Variants in TM9SF2 observed in about 807,000 individuals in gnomAD.
The protein encoded by TM9SF2 is transmembrane 9 superfamily member 2.
Under a neutral mutation model 84.9 loss-of-function variants are expected in TM9SF2, and 13 were observed. The ratio of observed to expected loss-of-function variants is 0.15; its 90% CI spans 0.10 to 0.24. The LOEUF (loss-of-function observed/expected upper bound fraction) is 0.24. TM9SF2 is among the 10% of genes least tolerant of loss of function. The pLI, the probability that TM9SF2 is intolerant of heterozygous loss-of-function variation, is 1.00. For missense variants in TM9SF2, 562 were observed against 818.5 expected (o/e 0.69, Z 3.82); for synonymous variants, 273 against 285.8 (o/e 0.96, Z 0.45).
At chr13:99,524,250 T>C (rs2046172475) in intron 3 of TM9SF2, among the ~76,000 whole-genome samples, 1 of 152,074 alleles carries the variant, frequency 6.6e-6, no homozygotes, top group Non-Finnish European at 1.5e-5. Context: ...AGGAGACCAG[T>C]AGGAGGCCTT....
At chr13:99,506,774 C>T (rs1311707096) in intron 1 of TM9SF2, among the ~76,000 whole-genome samples, 2 of 152,194 alleles carry the variant, frequency 1.3e-5, no homozygotes, top group East Asian at 1.9e-4. Context: ...CACACAGACA[C>T]ACATCGGCAC....
chr13:99,514,811 C>T (rs1205505763), intron 1 of TM9SF2, among the ~76,000 whole-genome samples: 9 of 152,240 alleles, frequency 5.9e-5, no homozygotes, highest in African/African-American at 1.9e-4. Context: ...ATTTGAAGAA[C>T]ATTTCCATCA....
Position 99,501,512 on chromosome 13 carries a change from A to T in TM9SF2, c.-95A>T. 1 of 1,466,246 alleles carries T rather than the reference A, an allele frequency of 6.8e-7. No individual in the cohort carries two copies. The highest frequency in any genetic ancestry group is 1.4e-5 in the African/African-American group (1 of 69,644). 90.8% of individuals were successfully genotyped at this position (1,466,246 alleles called of 1,614,324 possible). Reference sequence around the variant, plus strand: ...AGCCTTCTGGGGGCCGGCTTCCTTTATCTCTGGCGGCCTTGTAGTCGTCTC... The same window carrying T: ...AGCCTTCTGGGGGCCGGCTTCCTTTTTCTCTGGCGGCCTTGTAGTCGTCTC... On this transcript the variant is annotated 5_prime_UTR_variant, in exon 1 of 17. Coordinates refer to ENST00000376387, the MANE Select transcript of TM9SF2 (RefSeq NM_004800.3).
At chr13:99,559,979 A>G (rs2046337724) in intron 16 of TM9SF2, among the ~76,000 whole-genome samples, 1 of 152,198 alleles carries the variant, frequency 6.6e-6, no homozygotes, top group Non-Finnish European at 1.5e-5. Flanking sequence ...TCCTTAATCT[A>G]GAAGCTTTTA....
intron 15 of TM9SF2, 98 bp downstream of exon 15, chr13:99,555,745 A>G (rs1442809129): frequency 9.8e-6 from 7 of 715,474 alleles, no homozygotes; most frequent in African/African-American, 3.6e-5. Flanking sequence ...CTGTAGATGT[A>G]TGTTTATTAT....
chr13:99,545,492 G>T, intron 10 of TM9SF2, among the ~76,000 whole-genome samples: 1 of 152,190 alleles, frequency 6.6e-6, no homozygotes, highest in East Asian at 1.9e-4. Flanking sequence ...GGGTGGTAGG[G>T]TGAAGGCACT....
intron 1 of TM9SF2, among the ~76,000 whole-genome samples, chr13:99,508,899 C>T (rs926595942): frequency 1.3e-5 from 2 of 152,256 alleles, no homozygotes; most frequent in Non-Finnish European, 2.9e-5. Flanking sequence ...TACAGCTTGA[C>T]ATAAGATTTG....
rs372811557 is a variant in TM9SF2 at position 99,517,681 on chromosome 13, C to A, written c.239C>A (p.Ala80Glu). Residue 80 changes from alanine to glutamate, a missense_variant and splice_region_variant, in exon 2 of 17, where the codon GCG (alanine) becomes GAG (glutamate). Physicochemically the swap from Ala to Glu is moderately radical, Grantham distance 107. This residue lies in a region of TM9SF2 where 267 missense variants were observed against 316.7 expected (regional missense o/e 0.84). Transcript: ENST00000376387. Reference protein sequence around the residue: ...VESVLPYEYTAFDFCQASEGK... With the variant: ...VESVLPYEYTEFDFCQASEGK... Reference sequence around the variant, plus strand: ...TCAGTTCTTCCTTATGAATACACAGCGTAAGTTTTTCAGCTTGGCTTTTAT... The same window carrying A: ...TCAGTTCTTCCTTATGAATACACAGAGTAAGTTTTTCAGCTTGGCTTTTAT... The A allele has an allele frequency of 6.4e-7, 1 of 1,572,294 alleles. No individual in the cohort carries two copies. Among genetic ancestry groups the A allele is most frequent in the Non-Finnish European group, 8.6e-7 (1 of 1,162,380 alleles).
chr13:99,508,819 C>T (rs1375502623), intron 1 of TM9SF2, among the ~76,000 whole-genome samples: 1 of 152,158 alleles, frequency 6.6e-6, no homozygotes, highest in Non-Finnish European at 1.5e-5. Context: ...GTGGTGCCAA[C>T]CCATTCATTA....
At chr13:99,514,736 A>T (rs1490666292) in intron 1 of TM9SF2, among the ~76,000 whole-genome samples, 1 of 152,224 alleles carries the variant, frequency 6.6e-6, no homozygotes, top group Non-Finnish European at 1.5e-5. Context: ...CTTAAAATTC[A>T]GTTCTTCAGC....
chr13:99,559,296 C>T (rs749408399), intron 15 of TM9SF2, 67 bp from the exon 16 acceptor site: 1 of 1,375,820 alleles, frequency 7.3e-7, no homozygotes. Flanking sequence ...TTGCTTTGAA[C>T]CTTAGTAAGC....
At chr13:99,515,402 A>G (rs2046129647) in intron 1 of TM9SF2, among the ~76,000 whole-genome samples, 1 of 152,240 alleles carries the variant, frequency 6.6e-6, no homozygotes, top group Admixed American at 6.5e-5. Flanking sequence ...TGTTAATTCA[A>G]GCATGCTGTA....
chr13:99,556,369 G>A (rs1394020394), intron 15 of TM9SF2, among the ~76,000 whole-genome samples: 1 of 152,084 alleles, frequency 6.6e-6, no homozygotes, highest in African/African-American at 2.4e-5. Flanking sequence ...CCTAATTAAA[G>A]CCCTATACTT....
chr13:99,508,490 T>C (rs1366490136), intron 1 of TM9SF2, among the ~76,000 whole-genome samples: 1 of 150,658 alleles, frequency 6.6e-6, no homozygotes, highest in African/African-American at 2.5e-5. Context: ...ATAAGTGCTG[T>C]CATTTTTTTT....
Position 99,540,743 on chromosome 13 carries a change from A to T in TM9SF2, c.858A>T (p.Arg286Ser), listed in dbSNP as rs748766712. Residue 286 changes from arginine to serine, a missense_variant, in exon 8 of 17, where the codon AGA (arginine) becomes AGT (serine). This residue lies in a region of TM9SF2 where 219 missense variants were observed against 338.1 expected (regional missense o/e 0.65). Coordinates refer to ENST00000376387, the MANE Select transcript of TM9SF2 (RefSeq NM_004800.3). ...ATGATAAGATCAGATGGGCGTCTAG[A>T]TGGGACTATATTCTGGAGTCTATGC... Reference protein sequence around the residue: ...EEDDKIRWASRWDYILESMPH... With the variant: ...EEDDKIRWASSWDYILESMPH... 6.2e-7 allele frequency: 1 copy of T among 1,613,708 alleles called. No individual in the cohort carries two copies. The highest frequency in any genetic ancestry group is 8.5e-7 in the Non-Finnish European group (1 of 1,179,892).
intron 4 of TM9SF2, among the ~76,000 whole-genome samples, chr13:99,532,000 TCA>T (rs1263724092): frequency 6.6e-6 from 1 of 152,138 alleles, no homozygotes; most frequent in Non-Finnish European, 1.5e-5. Context: ...GCAATAGCTA[TCA>T]GTTTGTTGAC....
chr13:99,533,792 T>C (rs2046221475), intron 4 of TM9SF2, among the ~76,000 whole-genome samples: 1 of 152,084 alleles, frequency 6.6e-6, no homozygotes, highest in Non-Finnish European at 1.5e-5. Flanking sequence ...CACCTCCGCC[T>C]CCTGAGTAGC....
rs1457456032 is a variant in TM9SF2, at chr13:99,563,211, T to C, written c.*453T>C. 6.5e-6 allele frequency: 1 copy of C among 153,814 alleles called. No homozygotes were observed. The highest frequency in any genetic ancestry group is 1.4e-5 in the Non-Finnish European group (1 of 69,170). 9.5% of individuals were successfully genotyped at this position (153,814 alleles called of 1,614,324 possible). ...TGGTAATTTTGAAGGATGATTCCTA[T>C]GATGTGTTCACCAGGGGAATGTGGC... On this transcript the variant is annotated 3_prime_UTR_variant, in exon 17 of 17. Transcript: ENST00000376387.
intron 10 of TM9SF2, among the ~76,000 whole-genome samples, chr13:99,546,423 G>A (rs945738235): frequency 2.0e-4 from 30 of 152,300 alleles, no homozygotes; most frequent in African/African-American, 7.2e-4. Flanking sequence ...CGTGAATAAG[G>A]TAGGGCCAGG....
Sources: allele counts gnomAD v4.1 joint callset (sites outside exome capture counted in the v4.1 genomes callset), GRCh38; gene constraint gnomAD v4.1.1; regional missense constraint gnomAD v4.1.1; transcripts MANE v1.5; gene names NCBI Gene and HGNC (gene_info 2026-07-23, HGNC 2026-07-21).